The following DDAH1 variants were observed in gnomAD, a reference collection of about 807,000 sequenced individuals.
DDAH1 encodes dimethylarginine dimethylaminohydrolase 1, also known as N(G),N(G)-dimethylarginine dimethylaminohydrolase 1.
A neutral mutation model predicts 28.8 loss-of-function variants in DDAH1; 19 were observed. That is an observed-to-expected ratio of 0.66 (90% CI 0.46 to 0.97). The LOEUF is 0.97. DDAH1 is among the 50% of genes least tolerant of loss of function. The pLI is 0.00. For missense variants in DDAH1, 326 were observed against 375.9 expected (o/e 0.87, Z 1.10); for synonymous variants, 153 against 154.4 (o/e 0.99, Z 0.07).
At chr1:85,575,401 G>A (rs923725363) in intron 1 of DDAH1, among the ~76,000 whole-genome samples, 3 of 152,160 alleles carry the variant, frequency 2.0e-5, no homozygotes, top group Non-Finnish European at 4.4e-5. Flanking sequence ...GGGATTGCCT[G>A]AACAATGTGG....
intron 1 of DDAH1, among the ~76,000 whole-genome samples, chr1:85,516,528 G>A (rs1262218408): frequency 6.6e-6 from 1 of 151,630 alleles, no homozygotes; most frequent in African/African-American, 2.4e-5. Context: ...CCCAGGGTGG[G>A]TGGCATTTAA....
At chr1:85,465,261 G>A (rs1296650375), upstream of DDAH1, 31 of 1,058,190 alleles carry the variant, frequency 2.9e-5, no homozygotes, top group Non-Finnish European at 3.3e-5. Flanking sequence ...CGCCCACTCC[G>A]GCGCTCGCGG....
chr1:85,543,519 C>T (rs1033040225), intron 1 of DDAH1, among the ~76,000 whole-genome samples: 1 of 152,110 alleles, frequency 6.6e-6, no homozygotes, highest in African/African-American at 2.4e-5. Flanking sequence ...CAGCAGCATG[C>T]AATTTTGATA....
chr1:85,424,891 A>G (rs1653319589), intron 1 of DDAH1, among the ~76,000 whole-genome samples: 2 of 152,120 alleles, frequency 1.3e-5, no homozygotes, highest in South Asian at 4.1e-4. Flanking sequence ...GGAAGCAAAT[A>G]TAAACACATA....
chr1:85,335,624 T>C (rs753483656), intron 4 of DDAH1, among the ~76,000 whole-genome samples: 9 of 152,164 alleles, frequency 5.9e-5, no homozygotes, highest in Admixed American at 3.9e-4. Context: ...ATAACAGTTC[T>C]AAATACATAT....
intron 4 of DDAH1, among the ~76,000 whole-genome samples, chr1:85,349,064 T>G (rs998990433): frequency 2.0e-5 from 3 of 152,222 alleles, no homozygotes; most frequent in Non-Finnish European, 4.4e-5. Flanking sequence ...ATAATCTTCC[T>G]AGACCTCCTG....
chr1:85,357,668 C>A (rs1181536413), intron 2 of DDAH1, among the ~76,000 whole-genome samples: 1 of 152,130 alleles, frequency 6.6e-6, no homozygotes, highest in Non-Finnish European at 1.5e-5. Flanking sequence ...TGAGGACCAG[C>A]CTTTGCTGTC....
chr1:85,408,443 AG>A (rs1652508658), intron 1 of DDAH1, among the ~76,000 whole-genome samples: 1 of 152,184 alleles, frequency 6.6e-6, no homozygotes, highest in Non-Finnish European at 1.5e-5. Context: ...GAACACATAA[AG>A]GTATATCATT....
chr1:85,421,149 C>G (rs1653125191), intron 1 of DDAH1, among the ~76,000 whole-genome samples: 1 of 152,154 alleles, frequency 6.6e-6, no homozygotes, highest in Admixed American at 6.5e-5. Context: ...GAAAATTGAC[C>G]CCATGATCCA....
chr1:85,386,612 G>A (rs921506786), intron 1 of DDAH1, among the ~76,000 whole-genome samples: 2 of 152,206 alleles, frequency 1.3e-5, no homozygotes, highest in Non-Finnish European at 2.9e-5. Flanking sequence ...CCAAGCTGAG[G>A]GTACATGCTG....
At chr1:85,327,216 G>C (rs913236020) in intron 4 of DDAH1, among the ~76,000 whole-genome samples, 1 of 152,210 alleles carries the variant, frequency 6.6e-6, no homozygotes, top group Non-Finnish European at 1.5e-5. Flanking sequence ...GCACACACCT[G>C]TAGTCACCTC....
chr1:85,538,641 A>C (rs1658368749), intron 1 of DDAH1, among the ~76,000 whole-genome samples: 1 of 152,102 alleles, frequency 6.6e-6, no homozygotes, highest in Admixed American at 6.6e-5. Flanking sequence ...AAAAAAAAGA[A>C]CAACTCAAAG....
At chr1:85,556,531 C>T (rs919294995) in intron 1 of DDAH1, among the ~76,000 whole-genome samples, 2 of 151,798 alleles carry the variant, frequency 1.3e-5, no homozygotes, top group Admixed American at 6.6e-5. Flanking sequence ...TGTCACAAGA[C>T]AACATTATCT....
chr1:85,352,139 G>A (rs1224625136), intron 2 of DDAH1, among the ~76,000 whole-genome samples: 1 of 152,104 alleles, frequency 6.6e-6, no homozygotes, highest in African/African-American at 2.4e-5. Flanking sequence ...AATTGATTCT[G>A]AGCTGGGGCC....
chr1:85,477,370 T>G (rs180934509), intron 2 of DDAH1, among the ~76,000 whole-genome samples: 26 of 152,264 alleles, frequency 1.7e-4, no homozygotes, highest in African/African-American at 5.8e-4. Flanking sequence ...GCATCCGCCC[T>G]CAGGCCTTTT....
intron 2 of DDAH1, among the ~76,000 whole-genome samples, chr1:85,354,509 C>A (rs1053926245): frequency 7.2e-6 from 1 of 139,632 alleles, no homozygotes; most frequent in Non-Finnish European, 1.6e-5. Flanking sequence ...TCGCTGCAAC[C>A]CTAAAAAGAA....
chr1:85,360,171 C>A (rs925237668), intron 1 of DDAH1, among the ~76,000 whole-genome samples: 2 of 152,104 alleles, frequency 1.3e-5, no homozygotes, highest in African/African-American at 4.8e-5. Flanking sequence ...TATGGAAATA[C>A]TTTGACAACA....
intron 1 of DDAH1, among the ~76,000 whole-genome samples, chr1:85,532,976 G>A (rs1170316722): frequency 6.6e-6 from 1 of 152,130 alleles, no homozygotes; most frequent in Non-Finnish European, 1.5e-5. Context: ...TTTTTGGAAG[G>A]TATAACTAGC....
chr1:85,543,685 A>C (rs1025985129), intron 1 of DDAH1, among the ~76,000 whole-genome samples: 1 of 152,232 alleles, frequency 6.6e-6, no homozygotes, highest in Non-Finnish European at 1.5e-5. Flanking sequence ...GTACTAGAAT[A>C]CTTGTTTAAG....
Sources: allele counts gnomAD v4.1 joint callset (sites outside exome capture counted in the v4.1 genomes callset), GRCh38; gene constraint gnomAD v4.1.1; transcripts MANE v1.5; gene names NCBI Gene and HGNC (gene_info 2026-07-23, HGNC 2026-07-21).